The following KAZN variants were observed in gnomAD, a reference collection of about 807,000 sequenced individuals.
KAZN encodes kazrin, periplakin interacting protein.
Under a neutral mutation model 87.4 loss-of-function variants are expected in KAZN, and 40 were observed. The observed-to-expected ratio is 0.46, with a 90% CI of 0.36 to 0.60. KAZN has a LOEUF of 0.60. Among genes scored for constraint, KAZN ranks in the 20% least tolerant of loss-of-function variants. The pLI is 0.00. For synonymous variants in KAZN, 466 were observed against 458.3 expected (o/e 1.02, Z -0.22); for missense variants, 898 against 1,073.9 (o/e 0.84, Z 2.29).
At chr1:13,978,129 C>CAAAAAAAAAAAAAAAAAAAAAAAA (rs35828417) in intron 1 of KAZN, among the ~76,000 whole-genome samples, 1 of 82,122 alleles carries the variant, frequency 1.2e-5, no homozygotes. Flanking sequence ...CTCCATCTCA[C>CAAAAAAAAAAAAAAAAAAAAAAAA]AAAAAAAAAA....
intron 4 of KAZN, among the ~76,000 whole-genome samples, chr1:15,053,649 T>C (rs1279217649): frequency 4.6e-5 from 7 of 152,100 alleles, no homozygotes. Flanking sequence ...GACACCAGGG[T>C]TTGGTACCCA....
At position 14,599,325 on chromosome 1, in the gene KAZN, G is replaced by C. The variant is rs191810539; in HGVS notation, c.226+102G>C. On this transcript the variant is annotated intron_variant, in intron 1 of 14. Coordinates refer to ENST00000376030, the MANE Select transcript of KAZN (RefSeq NM_201628.3). The surrounding 1 kb of genome is among the most constrained non-coding windows in gnomAD (Gnocchi z 4.4). Reference sequence around the variant, plus strand: ...GGTCCCCCACACCCGGGGCGAAATCGCTTTGCATTCTGGCTTGTAACCCTT... The same window carrying C: ...GGTCCCCCACACCCGGGGCGAAATCCCTTTGCATTCTGGCTTGTAACCCTT... 42 of 1,189,270 alleles carry C rather than the reference G, an allele frequency of 3.5e-5. No individual in the cohort carries two copies. The East Asian group carries it at 1.4e-3, about 40-fold the overall frequency. 73.7% of individuals were successfully genotyped at this position (1,189,270 alleles called of 1,614,324 possible). A position where few individuals can be genotyped will look rare whatever the true frequency, so the allele number is the denominator to read the frequency against.
At chr1:14,245,036 C>T (rs1361338913) in intron 2 of KAZN, among the ~76,000 whole-genome samples, 1 of 152,046 alleles carries the variant, frequency 6.6e-6, no homozygotes, top group Non-Finnish European at 1.5e-5. Context: ...TCTCGGCTCA[C>T]TACTGCCTCC....
chr1:14,439,958 C>T (rs138585828), intron 2 of KAZN, among the ~76,000 whole-genome samples: 1 of 152,132 alleles, frequency 6.6e-6, no homozygotes, highest in Non-Finnish European at 1.5e-5. Flanking sequence ...TCATCCCAAC[C>T]ACGTCCCACC....
At chr1:14,322,770 G>T (rs1656136066) in intron 2 of KAZN, among the ~76,000 whole-genome samples, 1 of 152,182 alleles carries the variant, frequency 6.6e-6, no homozygotes, top group Non-Finnish European at 1.5e-5. Flanking sequence ...TCACTATCTT[G>T]TGTGGCACCC....
intron 1 of KAZN, among the ~76,000 whole-genome samples, chr1:14,710,762 T>C (rs1184719649): frequency 6.6e-6 from 1 of 152,204 alleles, no homozygotes; most frequent in Admixed American, 6.5e-5. Flanking sequence ...TTTTGTGTAT[T>C]TGTTGATGTC....
At chr1:14,707,675 C>A (rs114406189) in intron 1 of KAZN, among the ~76,000 whole-genome samples, 1 of 152,162 alleles carries the variant, frequency 6.6e-6, no homozygotes, top group African/African-American at 2.4e-5. Flanking sequence ...TGCTCCAAGA[C>A]CCACTGCTCT....
At chr1:14,557,659 TGTGTGTG>T (rs1359244272) in intron 2 of KAZN, among the ~76,000 whole-genome samples, 31 of 139,766 alleles carry the variant, frequency 2.2e-4, no homozygotes, top group African/African-American at 7.9e-4. Flanking sequence ...TGTGTGTGTG[TGTGTGTG>T]GTGTGTGAGA....
chr1:15,041,125 ATT>A (rs376156652), intron 3 of KAZN, among the ~76,000 whole-genome samples: 38 of 139,070 alleles, frequency 2.7e-4, no homozygotes, highest in Admixed American at 5.8e-4. Flanking sequence ...GAATTTTTGT[ATT>A]TTTTTTTTTT....
chr1:14,746,643 G>T (rs1313417024), intron 1 of KAZN, among the ~76,000 whole-genome samples: 1 of 152,086 alleles, frequency 6.6e-6, no homozygotes, highest in Admixed American at 6.5e-5. Flanking sequence ...TGGGGAGCTG[G>T]GGTCAGGGAG....
At chr1:13,944,753 A>G (rs1397297060) in intron 1 of KAZN, among the ~76,000 whole-genome samples, 1 of 152,234 alleles carries the variant, frequency 6.6e-6, no homozygotes, top group African/African-American at 2.4e-5. Flanking sequence ...AAGCTACTAG[A>G]GGGATAATTG....
chr1:14,607,196 C>T (rs970008268), intron 1 of KAZN, among the ~76,000 whole-genome samples: 1 of 152,162 alleles, frequency 6.6e-6, no homozygotes, highest in African/African-American at 2.4e-5. Context: ...TAATTGAGTG[C>T]TTACATACCA....
At chr1:14,044,526 T>C (rs1166907357) in intron 1 of KAZN, among the ~76,000 whole-genome samples, 1 of 152,134 alleles carries the variant, frequency 6.6e-6, no homozygotes, top group African/African-American at 2.4e-5. Context: ...AATTAATATA[T>C]ATAAATAAGT....
intron 1 of KAZN, among the ~76,000 whole-genome samples, chr1:13,931,488 A>ATG (rs1396865313): frequency 6.6e-6 from 1 of 151,468 alleles, no homozygotes. Context: ...GTGTGCATGC[A>ATG]TGTGTGTGTG....
At chr1:14,066,773 T>C (rs913107142) in intron 1 of KAZN, among the ~76,000 whole-genome samples, 4 of 152,136 alleles carry the variant, frequency 2.6e-5, no homozygotes, top group African/African-American at 9.7e-5. Flanking sequence ...AGTTACAGGG[T>C]AGAAGATTGC....
chr1:13,933,021 C>T (rs769060219), intron 1 of KAZN, among the ~76,000 whole-genome samples: 50 of 152,182 alleles, frequency 3.3e-4, no homozygotes, highest in Non-Finnish European at 6.3e-4. Flanking sequence ...CCTATTTCCC[C>T]GAATGTTAAT....
intron 1 of KAZN, among the ~76,000 whole-genome samples, chr1:14,096,971 G>A (rs2101633781): frequency 6.6e-6 from 1 of 152,360 alleles, no homozygotes; most frequent in African/African-American, 2.4e-5. Flanking sequence ...TTCAGATTCA[G>A]TGGTTAAGGT....
At chr1:14,081,843 TCCGGG>T (rs1469233234) in intron 1 of KAZN, among the ~76,000 whole-genome samples, 1 of 152,168 alleles carries the variant, frequency 6.6e-6, no homozygotes, top group Admixed American at 6.5e-5. Flanking sequence ...GCCTTAACCT[TCCGGG>T]CTAGATCAAT....
chr1:14,901,477 G>C (rs1655888705), intron 1 of KAZN, among the ~76,000 whole-genome samples: 1 of 152,102 alleles, frequency 6.6e-6, no homozygotes, highest in South Asian at 2.1e-4. Context: ...CCAGGCAGGG[G>C]AGTCACATGG....
Sources: gnomAD v4.1 joint callset for allele counts (sites outside exome capture counted in the v4.1 genomes callset) on GRCh38, gnomAD v4.1.1 for gene constraint, Gnocchi (gnomAD v3.1) non-coding constraint, MANE v1.5 for transcripts, NCBI Gene and HGNC (gene_info 2026-07-23, HGNC 2026-07-21) for gene names.